Variants in LRRCC1 observed in about 807,000 individuals in gnomAD.
LRRCC1 encodes the protein leucine-rich repeat and coiled-coil domain-containing protein 1.
In LRRCC1, 115 loss-of-function variants were observed where a neutral mutation model predicts 126.0. The ratio of observed to expected loss-of-function variants is 0.91; its 90% CI spans 0.78 to 1.07. The LOEUF is 1.07. Ranked by LOEUF, LRRCC1 falls within the 50% of genes least tolerant of loss-of-function variation. The pLI is 0.00. For missense variants in LRRCC1, 1,172 were observed against 1,175.7 expected (o/e 1.00, Z 0.05); for synonymous variants, 400 against 393.4 (o/e 1.02, Z -0.20).
chr8:85,115,469 CT>C lies in LRRCC1; in HGVS notation c.819del (p.Phe273LeufsTer23). On this transcript the variant is annotated frameshift_variant, in exon 6 of 19. Coordinates refer to ENST00000360375, the MANE Select transcript of LRRCC1 (RefSeq NM_033402.5). LOFTEE classifies it high-confidence loss of function. ...ASTPSDAVLT[S>X]FMSVCQSSEP... ...ACACCAAGTGATGCTGTGTTGACGT[CT>C]TTTATGTCTGTGTGTCAATCTTCTG... The C allele has an allele frequency of 6.2e-7, 1 of 1,613,480 alleles. No individual in the cohort carries two copies. The highest frequency in any genetic ancestry group is 1.1e-5 in the South Asian group (1 of 91,066).
At chr8:85,142,688 G>A (rs1811335534) in intron 18 of LRRCC1, among the ~76,000 whole-genome samples, 1 of 152,040 alleles carries the variant, frequency 6.6e-6, no homozygotes, top group African/African-American at 2.4e-5. Context: ...AAATTAGCTG[G>A]GTGTGGTGGC....
chr8:85,126,621 G>A, intron 8 of LRRCC1, 68 bp from the exon 9 acceptor site: 1 of 1,361,814 alleles, frequency 7.3e-7, no homozygotes, highest in Non-Finnish European at 1.0e-6. Flanking sequence ...GTTATAAATG[G>A]GAAAATTGAG....
chr8:85,133,936 C>T (rs1810672796), intron 12 of LRRCC1, among the ~76,000 whole-genome samples: 1 of 152,164 alleles, frequency 6.6e-6, no homozygotes, highest in Admixed American at 6.6e-5. Flanking sequence ...GTGGTCAAAA[C>T]ACTTCACAAT....
chr8:85,136,143 A>T (rs1053127344), intron 14 of LRRCC1, among the ~76,000 whole-genome samples, 180 bp downstream of exon 14: 1 of 152,224 alleles, frequency 6.6e-6, no homozygotes, highest in African/African-American at 2.4e-5. Flanking sequence ...TTAGGAAATG[A>T]GAAATAGTTT....
At chr8:85,140,255 A>G (rs962777706) in intron 17 of LRRCC1, among the ~76,000 whole-genome samples, 1 of 152,198 alleles carries the variant, frequency 6.6e-6, no homozygotes. Context: ...AAATAAGCCA[A>G]TTATTATAAA....
chr8:85,145,455 G>C lies in LRRCC1; in HGVS notation c.3043G>C (p.Glu1015Gln), dbSNP rs1811608278. Residue 1015 changes from glutamate (E) to glutamine (Q), a missense_variant, in exon 19 of 19, where the codon GAA becomes CAA. Coordinates refer to ENST00000360375, the MANE Select transcript of LRRCC1 (RefSeq NM_033402.5). ...AACATGCAAGAACAAAAAAACAATG[G>C]AAGCAAAAATTAAGCAACTTGCTTT... Reference protein sequence around the residue: ...EETCKNKKTMEAKIKQLAFAL... With the variant: ...EETCKNKKTMQAKIKQLAFAL... 6.3e-7 allele frequency: 1 copy of C among 1,582,882 alleles called. No homozygotes were observed. Among genetic ancestry groups the C allele is most frequent in the Admixed American group, 1.9e-5 (1 of 53,886 alleles).
chr8:85,126,824 C>G lies in LRRCC1; in HGVS notation c.1408C>G (p.Leu470Val), dbSNP rs781340253. 2 of 1,609,480 alleles carry G rather than the reference C, an allele frequency of 1.2e-6. No homozygotes were observed. Among genetic ancestry groups the G allele is most frequent in the Non-Finnish European group, 1.7e-6 (2 of 1,178,712 alleles). The change falls in exon 9 of 19, where the codon CTT becomes GTT. Residue 470 changes from leucine to valine, a missense_variant. Coordinates refer to ENST00000360375, the MANE Select transcript of LRRCC1 (RefSeq NM_033402.5). ...EKEDIHSLAL[L>V]TTDRLKEIIF... ...AGAGGATATTCATAGTCTGGCTCTA[C>G]TTACCACAGATAGGTAAAAAGAAAT...
chr8:85,145,542 AC>A lies in LRRCC1; in HGVS notation c.*33del. 1 of 1,535,846 alleles carries A rather than the reference AC, an allele frequency of 6.5e-7. No homozygotes were observed. The highest frequency in any genetic ancestry group is 1.3e-5 in the South Asian group (1 of 74,812). ...CTGAGAATGAATTTAATTGAAATAGACCAGCAGACCTATTGTAAAAATGATT... is the reference window on the plus strand; with the variant it reads ...CTGAGAATGAATTTAATTGAAATAGACAGCAGACCTATTGTAAAAATGATT... On this transcript the variant is annotated 3_prime_UTR_variant, in exon 19 of 19. Coordinates refer to ENST00000360375, the MANE Select transcript of LRRCC1 (RefSeq NM_033402.5).
intron 6 of LRRCC1, among the ~76,000 whole-genome samples, chr8:85,118,265 A>G (rs374091699): frequency 6.6e-6 from 1 of 151,728 alleles, no homozygotes. Flanking sequence ...TTATTTTTCC[A>G]TTGTCTTGTT....
chr8:85,142,133 A>C (rs1178797742), intron 18 of LRRCC1, among the ~76,000 whole-genome samples: 1 of 152,092 alleles, frequency 6.6e-6, no homozygotes, highest in Non-Finnish European at 1.5e-5. Context: ...TTCTCTACTA[A>C]AAATACAAAA....
chr8:85,121,407 T>G (rs759630888), intron 6 of LRRCC1, among the ~76,000 whole-genome samples: 17 of 151,798 alleles, frequency 1.1e-4, no homozygotes, highest in Non-Finnish European at 2.2e-4. Context: ...TAGAATTCAG[T>G]TTTTTTTGTT....
rs747842997 is a variant in LRRCC1, at chr8:85,109,627, A to T, written c.137A>T (p.His46Leu). 1.2e-6 allele frequency: 2 copies of T among 1,609,742 alleles called. No homozygotes were observed. The highest frequency in any genetic ancestry group is 1.7e-6 in the Non-Finnish European group (2 of 1,176,922). Residue 46 changes from histidine to leucine, a missense_variant, in exon 2 of 19, where the codon CAT (histidine) becomes CTT (leucine). By Grantham distance (99) the His-to-Leu change is moderately conservative. Coordinates refer to ENST00000360375, the MANE Select transcript of LRRCC1 (RefSeq NM_033402.5). ...GAATTATCTTTAGATTCAACTCTTCATGCCGTCAATCTTCATTGCAATAAC... is the reference window on the plus strand; with the variant it reads ...GAATTATCTTTAGATTCAACTCTTCTTGCCGTCAATCTTCATTGCAATAAC... ...ISELSLDSTL[H>L]AVNLHCNNIS...
chr8:85,132,026 C>A, intron 12 of LRRCC1, 65 bp downstream of exon 12: 1 of 1,349,010 alleles, frequency 7.4e-7, no homozygotes, highest in Non-Finnish European at 1.0e-6. Context: ...GATGAGAGGA[C>A]TTGTTTTAGA....
At chr8:85,125,378 T>C (rs1809895721) in intron 8 of LRRCC1, among the ~76,000 whole-genome samples, 1 of 152,078 alleles carries the variant, frequency 6.6e-6, no homozygotes, top group African/African-American at 2.4e-5. Flanking sequence ...GATCCCAGAT[T>C]AAGAGGTGTT....
At chr8:85,124,383 T>C (rs972520262) in intron 7 of LRRCC1, among the ~76,000 whole-genome samples, 1 of 152,190 alleles carries the variant, frequency 6.6e-6, no homozygotes, top group African/African-American at 2.4e-5. Flanking sequence ...TGGAATTTCT[T>C]TGGTCCTACC....
chr8:85,123,704 AT>A, intron 7 of LRRCC1, 98 bp downstream of exon 7: 2 of 899,184 alleles, frequency 2.2e-6, no homozygotes, highest in Non-Finnish European at 3.3e-6. Flanking sequence ...TACTTTACTA[AT>A]GTTGAAGATT....
intron 3 of LRRCC1, 21 bp downstream of exon 3, chr8:85,110,201 T>C: frequency 9.5e-7 from 1 of 1,056,184 alleles, no homozygotes; most frequent in African/African-American, 1.6e-5. Context: ...ATGCTTATGT[T>C]TTCTGTATGC....
intron 9 of LRRCC1, among the ~76,000 whole-genome samples, chr8:85,128,442 A>G (rs1416486664): frequency 2.0e-4 from 4 of 19,606 alleles, no homozygotes; most frequent in Non-Finnish European, 3.4e-4. Flanking sequence ...CCCCACCACC[A>G]CATGTTTGTT....
intron 11 of LRRCC1, among the ~76,000 whole-genome samples, chr8:85,130,546 T>A (rs1410276217): frequency 2.0e-5 from 3 of 152,152 alleles, no homozygotes; most frequent in African/African-American, 7.2e-5. Context: ...GAATCAGCCC[T>A]ATAGCAAGAA....
Sources: gnomAD v4.1 joint callset for allele counts (sites outside exome capture counted in the v4.1 genomes callset) on GRCh38, gnomAD v4.1.1 for gene constraint, MANE v1.5 for transcripts, NCBI Gene and HGNC (gene_info 2026-07-23, HGNC 2026-07-21) for gene names.